CACNB2: variants seen among roughly 807,000 people sequenced by gnomAD.
CACNB2 encodes the protein calcium voltage-gated channel auxiliary subunit beta 2, also known as voltage-dependent L-type calcium channel subunit beta-2.
In CACNB2, 42 loss-of-function variants were observed where a neutral mutation model predicts 73.3. That is an observed-to-expected ratio of 0.57 (90% CI 0.45 to 0.74). The LOEUF is 0.74. Among genes scored for constraint, CACNB2 ranks in the 30% least tolerant of loss-of-function variants. The pLI, the probability that CACNB2 is intolerant of heterozygous loss-of-function variation, is 0.00. For missense variants in CACNB2, 940 were observed against 853.0 expected, an observed-to-expected ratio of 1.10 and a Z score of -1.27; for synonymous variants, 348 against 310.3, an observed-to-expected ratio of 1.12 and a Z score of -1.28.
intron 2 of CACNB2, among the ~76,000 whole-genome samples, chr10:18,249,180 T>C (rs936052451): frequency 1.3e-5 from 2 of 152,188 alleles, no homozygotes; most frequent in Non-Finnish European, 2.9e-5. Context: ...ACTGCTACCA[T>C]TAAATCCACC....
intron 10 of CACNB2, 101 bp from the exon 11 acceptor site, chr10:18,533,975 A>T: frequency 2.7e-6 from 3 of 1,119,818 alleles, no homozygotes; most frequent in Non-Finnish European, 4.0e-6. Context: ...AAGCATTAAC[A>T]TAATGGCTGA....
chr10:18,375,083 T>C (rs1288693935), intron 2 of CACNB2, among the ~76,000 whole-genome samples: 1 of 152,088 alleles, frequency 6.6e-6, no homozygotes, highest in Non-Finnish European at 1.5e-5. Flanking sequence ...CCAAGAGTGG[T>C]GGCACACACC....
At position 18,220,137 on chromosome 10, in the gene CACNB2, A is replaced by T; in HGVS notation, c.213+69162A>T. On this transcript the variant is annotated intron_variant, in intron 2 of 13. Transcript: ENST00000324631. Reference sequence around the variant, plus strand: ...TATATATATATATATATATATATATATATATATATATATATATACACACAC... The same window carrying T: ...TATATATATATATATATATATATATTTATATATATATATATATACACACAC... 6.4e-5 allele frequency among the ~76,000 whole-genome samples: 3 copies of T among 46,666 alleles called. 1 individual carries two copies. The highest frequency in any genetic ancestry group is 5.1e-4 in the Admixed American group (2 of 3,950). The allele number at this position is 46,666 out of a possible 152,430, so 30.6% of individuals were successfully genotyped here. A position where few individuals can be genotyped will look rare whatever the true frequency, so the allele number is the denominator to read the frequency against.
At chr10:18,363,303 A>G (rs1219334574) in intron 2 of CACNB2, among the ~76,000 whole-genome samples, 6 of 152,170 alleles carry the variant, frequency 3.9e-5, no homozygotes, top group Non-Finnish European at 8.8e-5. Flanking sequence ...TTGGCTTTTC[A>G]GACATAACAC....
chr10:18,155,897 T>TTATATA lies in CACNB2; in HGVS notation c.213+4940_213+4945dup, dbSNP rs11467545. Reference sequence around the variant, plus strand: ...GAGGGAGAGAGAGAGAGAGAACATATTATATATATATATATATATATATGT... The same window carrying TTATATA: ...GAGGGAGAGAGAGAGAGAGAACATATTATATATATATATATATATATATATATATGT... On this transcript the variant is annotated intron_variant, in intron 2 of 13. Coordinates refer to ENST00000324631, the MANE Select transcript of CACNB2 (RefSeq NM_201596.3). 4.3e-5 allele frequency among the ~76,000 whole-genome samples: 6 copies of TTATATA among 139,570 alleles called. 1 individual carries two copies. Among genetic ancestry groups the TTATATA allele is most frequent in the African/African-American group, 1.6e-4 (6 of 38,034 alleles). The allele number at this position is 139,570 out of a possible 152,430, so 91.6% of individuals were successfully genotyped here.
intron 2 of CACNB2, among the ~76,000 whole-genome samples, chr10:18,292,472 A>G (rs2039105546): frequency 6.6e-6 from 1 of 152,160 alleles, no homozygotes; most frequent in Non-Finnish European, 1.5e-5. Flanking sequence ...CCTGGCCAAT[A>G]TGGTAAAACC....
intron 2 of CACNB2, among the ~76,000 whole-genome samples, chr10:18,299,273 T>C (rs1044345681): frequency 2.6e-5 from 4 of 152,244 alleles, no homozygotes; most frequent in African/African-American, 9.6e-5. Flanking sequence ...GGACAATACA[T>C]GGCATGCTCA....
At chr10:18,522,675 C>G (rs914036769) in intron 9 of CACNB2, among the ~76,000 whole-genome samples, 1 of 151,820 alleles carries the variant, frequency 6.6e-6, no homozygotes, top group Non-Finnish European at 1.5e-5. Context: ...GTCAAGTGTT[C>G]GAGACCGGCT....
At chr10:18,233,555 T>G (rs1162620311) in intron 2 of CACNB2, among the ~76,000 whole-genome samples, 1 of 152,158 alleles carries the variant, frequency 6.6e-6, no homozygotes. Context: ...CGCTGAGAAT[T>G]ACAGATTGGG....
At chr10:18,299,821 T>C (rs1383321948) in intron 2 of CACNB2, among the ~76,000 whole-genome samples, 2 of 152,190 alleles carry the variant, frequency 1.3e-5, no homozygotes, top group African/African-American at 2.4e-5. Context: ...AATATGTATA[T>C]TGATGATAAG....
At chr10:18,441,147 G>A (rs1415691748) in intron 3 of CACNB2, among the ~76,000 whole-genome samples, 2 of 152,192 alleles carry the variant, frequency 1.3e-5, no homozygotes, top group Admixed American at 6.5e-5. Context: ...GCTCACGCCT[G>A]TAATCCCAGC....
At chr10:18,435,548 A>T (rs1168977859) in intron 3 of CACNB2, among the ~76,000 whole-genome samples, 1 of 152,052 alleles carries the variant, frequency 6.6e-6, no homozygotes, top group African/African-American at 2.4e-5. Context: ...ACCCAGGCTG[A>T]AGTGCAGTGG....
In CACNB2 at chr10:18,413,475, G is replaced by A. The variant is rs138992713; in HGVS notation, c.333+11432G>A. The stretch of plus-strand genomic sequence containing the variant: ...TCTCAGGTCCTCTTTTTGGATCTCT[G>A]TCGGTTCTGCCACCCACTTAAAATT... On this transcript the variant is annotated intron_variant, in intron 3 of 13. Coordinates refer to ENST00000324631, the MANE Select transcript of CACNB2 (RefSeq NM_201596.3). 7.9e-5 allele frequency among the ~76,000 whole-genome samples: 12 copies of A among 152,236 alleles called. 1 individual carries two copies. The East Asian group carries it at 2.3e-3, about 29-fold the overall frequency.
At chr10:18,411,613 A>T (rs773084368) in intron 3 of CACNB2, among the ~76,000 whole-genome samples, 2 of 151,576 alleles carry the variant, frequency 1.3e-5, no homozygotes, top group Non-Finnish European at 2.9e-5. Context: ...GGTTCAAGCA[A>T]TTCTCCTGCC....
chr10:18,455,522 A>C (rs1019634365), intron 3 of CACNB2, among the ~76,000 whole-genome samples: 2 of 152,196 alleles, frequency 1.3e-5, no homozygotes, highest in East Asian at 1.9e-4. Context: ...CACACAGGTA[A>C]ATACCAACTG....
intron 5 of CACNB2, among the ~76,000 whole-genome samples, chr10:18,504,231 G>A (rs1235611177): frequency 6.6e-6 from 1 of 152,178 alleles, no homozygotes; most frequent in Non-Finnish European, 1.5e-5. Flanking sequence ...GAGAAAACAG[G>A]TTAAGAGAAG....
intron 2 of CACNB2, among the ~76,000 whole-genome samples, chr10:18,391,925 C>A (rs201827376): frequency 0.017 from 1,464 of 84,352 alleles, no homozygotes; most frequent in African/African-American, 0.022. Flanking sequence ...AAGACCCTGT[C>A]AAAAAAAAAA....
At chr10:18,497,811 A>G (rs1210791449) in intron 3 of CACNB2, among the ~76,000 whole-genome samples, 1 of 152,230 alleles carries the variant, frequency 6.6e-6, no homozygotes, top group African/African-American at 2.4e-5. Context: ...AGTAGGAGAA[A>G]TAATAGAAGA....
chr10:18,450,709 G>A (rs909135516), intron 3 of CACNB2, among the ~76,000 whole-genome samples: 5 of 146,446 alleles, frequency 3.4e-5, no homozygotes, highest in Admixed American at 1.4e-4. Flanking sequence ...TGCAGTCGCC[G>A]CCCCCTGGGT....
Sources: allele counts gnomAD v4.1 joint callset (sites outside exome capture counted in the v4.1 genomes callset), GRCh38; gene constraint gnomAD v4.1.1; transcripts MANE v1.5; gene names NCBI Gene and HGNC (gene_info 2026-07-23, HGNC 2026-07-21).